The following PARVA variants were observed in gnomAD, a reference collection of about 807,000 sequenced individuals.
PARVA encodes the protein parvin alpha.
Under a neutral mutation model 52.6 loss-of-function variants are expected in PARVA, and 25 were observed. That is an observed-to-expected ratio of 0.48 (90% CI 0.35 to 0.66). The LOEUF is 0.66. Ranked by LOEUF, PARVA falls within the 30% of genes least tolerant of loss-of-function variation. The pLI, the probability that PARVA is intolerant of heterozygous loss-of-function variation, is 0.01. For missense variants in PARVA, 373 were observed against 450.9 expected, an observed-to-expected ratio of 0.83 and a Z score of 1.56; for synonymous variants, 185 against 179.1, an observed-to-expected ratio of 1.03 and a Z score of -0.26.
intron 4 of PARVA, chr11:12,479,026 C>T (rs1006943138): frequency 6.6e-6 from 1 of 152,224 alleles, no homozygotes; most frequent in Non-Finnish European, 1.5e-5. Context: ...TGTAGTAATA[C>T]GTGTAAAGTG....
At chr11:12,470,155 A>AT (rs1375397484) in intron 1 of PARVA, among the ~76,000 whole-genome samples, 1 of 152,230 alleles carries the variant, frequency 6.6e-6, no homozygotes, top group Non-Finnish European at 1.5e-5. Flanking sequence ...GAAAAAGGTA[A>AT]AATCCTTTGC....
intron 4 of PARVA, among the ~76,000 whole-genome samples, chr11:12,492,659 T>C (rs1941247596): frequency 6.6e-6 from 1 of 152,168 alleles, no homozygotes; most frequent in Non-Finnish European, 1.5e-5. Flanking sequence ...TTAAAATATG[T>C]CACATAAGCC....
chr11:12,393,155 T>C (rs996622933), intron 1 of PARVA, among the ~76,000 whole-genome samples: 1 of 149,832 alleles, frequency 6.7e-6, no homozygotes, highest in African/African-American at 2.4e-5. Context: ...ATTTTTCAAA[T>C]AATACTACTG....
At chr11:12,484,748 G>C (rs1356459191) in intron 4 of PARVA, among the ~76,000 whole-genome samples, 1 of 151,284 alleles carries the variant, frequency 6.6e-6, no homozygotes, top group Non-Finnish European at 1.5e-5. Flanking sequence ...AAGAGATCAA[G>C]TAGGAGTTTG....
upstream of PARVA, chr11:12,376,736 T>G: frequency 8.1e-6 from 8 of 984,442 alleles, no homozygotes; most frequent in Non-Finnish European, 9.6e-6. Flanking sequence ...TTGAGATGGG[T>G]AAGCTCAATA....
intron 1 of PARVA, among the ~76,000 whole-genome samples, chr11:12,442,184 G>A (rs1463784530): frequency 1.3e-5 from 2 of 152,252 alleles, no homozygotes; most frequent in Non-Finnish European, 2.9e-5. Flanking sequence ...TATGACTGAG[G>A]ATAAGGAGTC....
At chr11:12,514,326 C>G (rs1263658780) in intron 10 of PARVA, among the ~76,000 whole-genome samples, 1 of 152,244 alleles carries the variant, frequency 6.6e-6, no homozygotes, top group Non-Finnish European at 1.5e-5. Flanking sequence ...CTCTCTCTTT[C>G]TCTGCACCCC....
chr11:12,501,369 C>A (rs932841857), intron 5 of PARVA, among the ~76,000 whole-genome samples: 6 of 151,938 alleles, frequency 3.9e-5, no homozygotes, highest in Non-Finnish European at 8.8e-5. Context: ...ATTTTCAATG[C>A]ATGCAAACTA....
In PARVA at chr11:12,530,149, T is replaced by C. The variant is rs1279619322; in HGVS notation, c.*2224T>C. On this transcript the variant is annotated 3_prime_UTR_variant, in exon 13 of 13. Transcript: ENST00000334956. ...TACATATATACAGTATGAAAATACA[T>C]TGGAACACTAGGAAAGTTTTTAAAT... is the stretch of plus-strand genomic sequence containing the variant. 2 of 152,208 alleles carry C rather than the reference T, an allele frequency of 1.3e-5. No homozygotes were observed. The highest frequency in any genetic ancestry group is 6.5e-5 in the Admixed American group (1 of 15,282). 9.4% of individuals were successfully genotyped at this position (152,208 alleles called of 1,614,324 possible). A position where few individuals can be genotyped will look rare whatever the true frequency, so the allele number is the denominator to read the frequency against.
intron 10 of PARVA, among the ~76,000 whole-genome samples, chr11:12,517,044 A>G (rs1941576338): frequency 6.6e-6 from 1 of 152,042 alleles, no homozygotes; most frequent in Non-Finnish European, 1.5e-5. Context: ...AGATCTCCCC[A>G]GGAACCTCAT....
At chr11:12,480,517 G>A (rs892109772) in intron 4 of PARVA, 1 of 152,164 alleles carries the variant, frequency 6.6e-6, no homozygotes, top group Non-Finnish European at 1.5e-5. Flanking sequence ...TCAAAGCAAG[G>A]TAGAACATGG....
chr11:12,390,628 C>G (rs903211), intron 1 of PARVA, among the ~76,000 whole-genome samples: 110,114 of 152,144 alleles, frequency 0.72, 43,927 homozygotes, highest in East Asian at 0.92. Context: ...AAGTAGAGGT[C>G]GGTGGGGAGG....
intron 1 of PARVA, among the ~76,000 whole-genome samples, chr11:12,443,908 CTTG>C (rs1418926302): frequency 4.6e-5 from 7 of 152,192 alleles, no homozygotes; most frequent in African/African-American, 1.4e-4. Flanking sequence ...TCACCACTTG[CTTG>C]TTGTCTGTGC....
rs373497354 is a variant in PARVA at position 12,511,579 on chromosome 11, G to C, written c.736+46G>C. 2.6e-4 allele frequency: 411 copies of C among 1,601,840 alleles called. 1 individual carries two copies. Among genetic ancestry groups the C allele is most frequent in the South Asian group, 8.8e-4 (79 of 90,032 alleles). Reference sequence around the variant, plus strand: ...CTCTGGCACTGGTGGCTGCACTGGGGCTTTAGTTAATTCCGCAGCAGCTGG... The same window carrying C: ...CTCTGGCACTGGTGGCTGCACTGGGCCTTTAGTTAATTCCGCAGCAGCTGG... On this transcript the variant is annotated intron_variant, in intron 8 of 12. Coordinates refer to ENST00000334956, the MANE Select transcript of PARVA (RefSeq NM_018222.5).
At chr11:12,379,506 A>T (rs977316187) in intron 1 of PARVA, among the ~76,000 whole-genome samples, 1 of 152,218 alleles carries the variant, frequency 6.6e-6, no homozygotes, top group Non-Finnish European at 1.5e-5. Flanking sequence ...TAGTTTACCA[A>T]TCTAACACTA....
chr11:12,401,679 C>T (rs571525066), intron 1 of PARVA, among the ~76,000 whole-genome samples: 1 of 152,310 alleles, frequency 6.6e-6, no homozygotes, highest in East Asian at 1.9e-4. Context: ...TCACGTCCCC[C>T]AACTTTCCTT....
intron 1 of PARVA, among the ~76,000 whole-genome samples, chr11:12,439,914 A>G (rs980796109): frequency 9.2e-5 from 14 of 152,208 alleles, no homozygotes; most frequent in African/African-American, 3.1e-4. Context: ...AGAGAGGCCT[A>G]TGACCACCTG....
chr11:12,506,021 C>G (rs1231157874), intron 6 of PARVA, among the ~76,000 whole-genome samples: 1 of 152,126 alleles, frequency 6.6e-6, no homozygotes, highest in Non-Finnish European at 1.5e-5. Flanking sequence ...ATTATAAGCT[C>G]ATCGGTTGTT....
intron 1 of PARVA, among the ~76,000 whole-genome samples, chr11:12,387,749 TG>T (rs1374578933): frequency 8.2e-5 from 1 of 12,132 alleles, no homozygotes; most frequent in African/African-American, 3.6e-4. Flanking sequence ...GCCCATCGGT[TG>T]GGGGGTTTGG....
Sources: allele counts gnomAD v4.1 joint callset (sites outside exome capture counted in the v4.1 genomes callset), GRCh38; gene constraint gnomAD v4.1.1; transcripts MANE v1.5; gene names NCBI Gene and HGNC (gene_info 2026-07-23, HGNC 2026-07-21).